The following EFNA5 variants were observed in gnomAD, a reference collection of about 807,000 sequenced individuals.
EFNA5 encodes ephrin-A5.
In EFNA5, 5 loss-of-function variants were observed where a neutral mutation model predicts 22.9. That is an observed-to-expected ratio of 0.22 (90% CI 0.11 to 0.46). The LOEUF (loss-of-function observed/expected upper bound fraction) is 0.46, where lower values mean the gene tolerates loss of function less well. EFNA5 is among the 20% of genes least tolerant of loss of function. The probability of loss-of-function intolerance (pLI) is 0.99; values close to 1 mark genes in which losing one functional copy is unlikely to be tolerated. For missense variants in EFNA5, 237 were observed against 293.3 expected, an observed-to-expected ratio of 0.81 and a Z score of 1.40; for synonymous variants, 113 against 112.2, an observed-to-expected ratio of 1.01 and a Z score of -0.04.
intron 1 of EFNA5, among the ~76,000 whole-genome samples, chr5:107,513,540 G>A (rs1468898202): frequency 6.6e-6 from 1 of 152,128 alleles, no homozygotes; most frequent in Admixed American, 6.5e-5. Context: ...ATTTTAAAAC[G>A]AGAACTACCT....
At chr5:107,436,828 T>G (rs1489826783) in intron 1 of EFNA5, among the ~76,000 whole-genome samples, 1 of 152,170 alleles carries the variant, frequency 6.6e-6, no homozygotes, top group Non-Finnish European at 1.5e-5. Context: ...GTCAAACTGC[T>G]TACTTCCATG....
intron 1 of EFNA5, among the ~76,000 whole-genome samples, 193 bp from the exon 2 acceptor site, chr5:107,427,702 C>T (rs760260695): frequency 6.6e-6 from 1 of 151,888 alleles, no homozygotes; most frequent in Non-Finnish European, 1.5e-5. Context: ...AGCCATTTTA[C>T]AGTGAGATTC....
At chr5:107,540,346 G>T (rs1464896020) in intron 1 of EFNA5, among the ~76,000 whole-genome samples, 2 of 152,068 alleles carry the variant, frequency 1.3e-5, no homozygotes, top group Non-Finnish European at 2.9e-5. Flanking sequence ...GTTTGCTACG[G>T]CTGTAAAAGA....
chr5:107,645,422 T>C (rs549218871), intron 1 of EFNA5, among the ~76,000 whole-genome samples: 2 of 152,342 alleles, frequency 1.3e-5, no homozygotes, highest in African/African-American at 4.8e-5. Flanking sequence ...GTAAGTGGCA[T>C]TCACTATTCA....
chr5:107,404,104 T>G (rs543921394), intron 2 of EFNA5, among the ~76,000 whole-genome samples: 5 of 152,192 alleles, frequency 3.3e-5, no homozygotes, highest in Non-Finnish European at 7.4e-5. Context: ...AGAAATGAAA[T>G]GAGTTTGAGA....
intron 2 of EFNA5, among the ~76,000 whole-genome samples, chr5:107,422,287 C>A (rs746504287): frequency 2.0e-5 from 3 of 152,156 alleles, no homozygotes; most frequent in Admixed American, 6.5e-5. Context: ...TTCTAGTTAT[C>A]CTTACTTATT....
At chr5:107,500,406 C>A (rs1747105884) in intron 1 of EFNA5, among the ~76,000 whole-genome samples, 1 of 152,184 alleles carries the variant, frequency 6.6e-6, no homozygotes, top group African/African-American at 2.4e-5. Context: ...CTTTCTTGTT[C>A]TGTAATAATT....
chr5:107,470,558 G>A (rs1218369994), intron 1 of EFNA5, among the ~76,000 whole-genome samples: 3 of 152,192 alleles, frequency 2.0e-5, no homozygotes, highest in Non-Finnish European at 4.4e-5. Context: ...TCAGTCAGTT[G>A]CTGAAGTTTT....
chr5:107,516,947 T>C (rs1747493664), intron 1 of EFNA5, among the ~76,000 whole-genome samples: 1 of 152,048 alleles, frequency 6.6e-6, no homozygotes. Flanking sequence ...GGCAAGTATA[T>C]AGAGACAGAA....
At chr5:107,585,408 G>A (rs180935894) in intron 1 of EFNA5, among the ~76,000 whole-genome samples, 58 of 152,254 alleles carry the variant, frequency 3.8e-4, no homozygotes, top group Admixed American at 7.2e-4. Flanking sequence ...GCCAATTCAA[G>A]GCAAGCAGGA....
chr5:107,521,276 T>C (rs557132362), intron 1 of EFNA5, among the ~76,000 whole-genome samples: 3 of 151,336 alleles, frequency 2.0e-5, no homozygotes, highest in Non-Finnish European at 4.4e-5. Flanking sequence ...TATGTATGTA[T>C]GTATTTACTT....
intron 1 of EFNA5, among the ~76,000 whole-genome samples, chr5:107,591,943 T>TAATATATAA (rs1749353117): frequency 5.3e-5 from 1 of 18,836 alleles, no homozygotes; most frequent in Admixed American, 1.1e-3. Context: ...AATATATATA[T>TAATATATAA]TATATATAAT....
intron 1 of EFNA5, among the ~76,000 whole-genome samples, chr5:107,597,071 G>A (rs1376182784): frequency 3.9e-5 from 6 of 152,062 alleles, no homozygotes; most frequent in Admixed American, 1.3e-4. Context: ...TTTCTTTCAG[G>A]ACTGTTGCAC....
At chr5:107,398,752 G>A (rs895628460) in intron 2 of EFNA5, among the ~76,000 whole-genome samples, 1 of 151,216 alleles carries the variant, frequency 6.6e-6, no homozygotes, top group Non-Finnish European at 1.5e-5. Context: ...CAACTTGGGA[G>A]GCTGAGGCAG....
At chr5:107,592,026 T>TATATAATATA (rs1749377604) in intron 1 of EFNA5, among the ~76,000 whole-genome samples, 1 of 51,934 alleles carries the variant, frequency 1.9e-5, no homozygotes, top group Non-Finnish European at 3.6e-5. Context: ...ATATAATATA[T>TATATAATATA]ATTATATATT....
intron 1 of EFNA5, among the ~76,000 whole-genome samples, chr5:107,596,330 T>G (rs1749472518): frequency 6.6e-6 from 1 of 152,196 alleles, no homozygotes; most frequent in African/African-American, 2.4e-5. Flanking sequence ...TTTCCAGAGC[T>G]TGACTACTTT....
chr5:107,398,146 C>T (rs1236203982), intron 2 of EFNA5, among the ~76,000 whole-genome samples: 1 of 152,104 alleles, frequency 6.6e-6, no homozygotes, highest in Non-Finnish European at 1.5e-5. Context: ...CTTTATCCCT[C>T]CTACTCTTTT....
At chr5:107,498,544 T>C (rs916279029) in intron 1 of EFNA5, among the ~76,000 whole-genome samples, 3 of 152,268 alleles carry the variant, frequency 2.0e-5, no homozygotes, top group African/African-American at 7.2e-5. Context: ...GAATGTGATA[T>C]GCAGATAGTG....
intron 1 of EFNA5, among the ~76,000 whole-genome samples, chr5:107,463,557 C>T (rs1353936408): frequency 6.6e-6 from 1 of 152,020 alleles, no homozygotes; most frequent in African/African-American, 2.4e-5. Context: ...TTATAAAACA[C>T]TCGGATTCAG....
Sources: gnomAD v4.1 joint callset for allele counts (sites outside exome capture counted in the v4.1 genomes callset) on GRCh38, gnomAD v4.1.1 for gene constraint, MANE v1.5 for transcripts, NCBI Gene and HGNC (gene_info 2026-07-23, HGNC 2026-07-21) for gene names.